The following SEMA5A variants were observed in gnomAD, a reference collection of about 807,000 sequenced individuals.
The protein encoded by SEMA5A is semaphorin 5A.
In SEMA5A, 55 loss-of-function variants were observed where a neutral mutation model predicts 135.5. The observed-to-expected ratio is 0.41, with a 90% CI of 0.33 to 0.51. The LOEUF (loss-of-function observed/expected upper bound fraction) is 0.51. Ranked by LOEUF, SEMA5A falls within the 20% of genes least tolerant of loss-of-function variation. The pLI, the probability that SEMA5A is intolerant of heterozygous loss-of-function variation, is 0.37. For missense variants in SEMA5A, 1,290 were observed against 1,419.9 expected, an observed-to-expected ratio of 0.91 and a Z score of 1.47; for synonymous variants, 580 against 546.5, an observed-to-expected ratio of 1.06 and a Z score of -0.85.
intron 2 of SEMA5A, among the ~76,000 whole-genome samples, chr5:9,412,460 T>A (rs900576644): frequency 3.3e-5 from 5 of 150,424 alleles, no homozygotes; most frequent in African/African-American, 1.2e-4. Context: ...TTATAAACTG[T>A]TTTATTGTTA....
At chr5:9,250,297 C>T (rs1265116282) in intron 5 of SEMA5A, among the ~76,000 whole-genome samples, 1 of 152,116 alleles carries the variant, frequency 6.6e-6, no homozygotes, top group African/African-American at 2.4e-5. Flanking sequence ...ACAGCAGTAG[C>T]ACAAGTCTGC....
chr5:9,282,958 T>A (rs1429657604), intron 5 of SEMA5A, among the ~76,000 whole-genome samples: 1 of 152,090 alleles, frequency 6.6e-6, no homozygotes, highest in Non-Finnish European at 1.5e-5. Context: ...GGAACCTGAC[T>A]CTCCATAGAA....
intron 12 of SEMA5A, among the ~76,000 whole-genome samples, chr5:9,139,611 A>T (rs1325297397): frequency 6.6e-6 from 1 of 152,210 alleles, no homozygotes; most frequent in East Asian, 1.9e-4. Flanking sequence ...TTCATGAGTC[A>T]TTCATTTTAT....
At chr5:9,344,824 G>A (rs547179622) in intron 3 of SEMA5A, among the ~76,000 whole-genome samples, 7 of 152,228 alleles carry the variant, frequency 4.6e-5, no homozygotes, top group African/African-American at 1.7e-4. Context: ...CTCCTATTGA[G>A]GGCTTAGTTG....
intron 1 of SEMA5A, among the ~76,000 whole-genome samples, chr5:9,470,027 G>A (rs1032048384): frequency 6.6e-6 from 1 of 152,230 alleles, no homozygotes. Flanking sequence ...AGTACATGCA[G>A]AAGGGTAATT....
At chr5:9,394,672 G>A (rs1756312070) in intron 2 of SEMA5A, among the ~76,000 whole-genome samples, 1 of 152,070 alleles carries the variant, frequency 6.6e-6, no homozygotes, top group South Asian at 2.1e-4. Flanking sequence ...TCAACGAAGT[G>A]GAAATAAAGA....
chr5:9,457,872 A>C (rs1758899763), intron 1 of SEMA5A, among the ~76,000 whole-genome samples: 1 of 146,646 alleles, frequency 6.8e-6, no homozygotes, highest in South Asian at 2.2e-4. Flanking sequence ...AGGAAAGAAA[A>C]ATAATTCTTG....
intron 1 of SEMA5A, among the ~76,000 whole-genome samples, chr5:9,499,993 A>G (rs1348028630): frequency 6.6e-6 from 1 of 152,228 alleles, no homozygotes; most frequent in East Asian, 1.9e-4. Context: ...AGAAAACAAT[A>G]AGAAAATATA....
chr5:9,332,565 G>A (rs1753199247), intron 4 of SEMA5A, among the ~76,000 whole-genome samples: 1 of 151,156 alleles, frequency 6.6e-6, no homozygotes, highest in African/African-American at 2.4e-5. Context: ...GCAGCTATGG[G>A]CTGCTACTCA....
intron 1 of SEMA5A, among the ~76,000 whole-genome samples, chr5:9,530,583 G>C (rs1464436870): frequency 6.6e-6 from 1 of 152,128 alleles, no homozygotes; most frequent in African/African-American, 2.4e-5. Flanking sequence ...CAGAATAGAA[G>C]TTAATTATTC....
intron 3 of SEMA5A, among the ~76,000 whole-genome samples, chr5:9,345,563 A>G (rs1360667759): frequency 6.6e-6 from 1 of 150,600 alleles, no homozygotes; most frequent in Non-Finnish European, 1.5e-5. Flanking sequence ...CAGGCTGACC[A>G]CATTATCTGA....
intron 1 of SEMA5A, chr5:9,523,296 T>C (rs1425101551): frequency 2.0e-5 from 3 of 152,288 alleles, no homozygotes; most frequent in African/African-American, 7.2e-5. Context: ...ACAGCCCTGT[T>C]AGAGATGTAA....
At chr5:9,228,570 T>C (rs1377227612) in intron 6 of SEMA5A, among the ~76,000 whole-genome samples, 2 of 152,216 alleles carry the variant, frequency 1.3e-5, no homozygotes, top group African/African-American at 2.4e-5. Context: ...TCATGTTTTA[T>C]CACTGAAGAA....
chr5:9,232,704 A>T (rs1395595755), intron 6 of SEMA5A, among the ~76,000 whole-genome samples: 1 of 152,156 alleles, frequency 6.6e-6, no homozygotes, highest in Non-Finnish European at 1.5e-5. Context: ...AACTGAGCTG[A>T]CTTCATGGGA....
chr5:9,194,200 C>A (rs1397576895), intron 10 of SEMA5A, among the ~76,000 whole-genome samples: 2 of 152,194 alleles, frequency 1.3e-5, no homozygotes, highest in African/African-American at 2.4e-5. Context: ...CAGCCTCTAA[C>A]AGGGCAGGGC....
chr5:9,509,666 A>G (rs1736100456), intron 1 of SEMA5A, among the ~76,000 whole-genome samples: 1 of 152,154 alleles, frequency 6.6e-6, no homozygotes, highest in African/African-American at 2.4e-5. Context: ...ATGTACCCAA[A>G]GTTTATCATT....
At chr5:9,506,794 C>T (rs1735904117) in intron 1 of SEMA5A, among the ~76,000 whole-genome samples, 1 of 152,102 alleles carries the variant, frequency 6.6e-6, no homozygotes, top group Admixed American at 6.5e-5. Flanking sequence ...ACACCAATTC[C>T]CATGGGTTCA....
At chr5:9,262,979 T>C (rs1218937077) in intron 5 of SEMA5A, among the ~76,000 whole-genome samples, 1 of 145,172 alleles carries the variant, frequency 6.9e-6, no homozygotes, top group Non-Finnish European at 1.5e-5. Context: ...AAAAATAAAA[T>C]TTTAAATAAA....
intron 11 of SEMA5A, among the ~76,000 whole-genome samples, chr5:9,182,083 A>G (rs981012011): frequency 2.0e-5 from 3 of 147,790 alleles, no homozygotes; most frequent in Non-Finnish European, 4.5e-5. Context: ...TGCCTCCCCC[A>G]TCTCATCTTC....
Sources: allele counts gnomAD v4.1 joint callset (sites outside exome capture counted in the v4.1 genomes callset), GRCh38; gene constraint gnomAD v4.1.1; transcripts MANE v1.5; gene names NCBI Gene and HGNC (gene_info 2026-07-23, HGNC 2026-07-21).